Variants in PDS5A observed in about 807,000 individuals in gnomAD.
PDS5A encodes sister chromatid cohesion protein PDS5 homolog A.
In PDS5A, 42 loss-of-function variants were observed where a neutral mutation model predicts 167.1. The ratio of observed to expected loss-of-function variants is 0.25; its 90% CI spans 0.20 to 0.33. PDS5A has a LOEUF of 0.33. Ranked by LOEUF, PDS5A falls within the 10% of genes least tolerant of loss-of-function variation. The probability of loss-of-function intolerance (pLI) is 1.00; values close to 1 mark genes in which losing one functional copy is unlikely to be tolerated. For synonymous variants in PDS5A, 553 were observed against 554.6 expected, an observed-to-expected ratio of 1.00 and a Z score of 0.04; for missense variants, 1,033 against 1,605.9, an observed-to-expected ratio of 0.64 and a Z score of 6.10.
chr4:39,827,026 G>A (rs1715387386), intron 32 of PDS5A, among the ~76,000 whole-genome samples: 1 of 151,160 alleles, frequency 6.6e-6, no homozygotes, highest in Non-Finnish European at 1.5e-5. Flanking sequence ...TTTTGAGGCA[G>A]AGTCTTGCTC....
chr4:39,896,344 CTTTT>C (rs1185559250), intron 16 of PDS5A, among the ~76,000 whole-genome samples: 1 of 124,968 alleles, frequency 8.0e-6, no homozygotes, highest in African/African-American at 2.9e-5. Context: ...ATGTACTGAT[CTTTT>C]TTTTTTTTTT....
intron 8 of PDS5A, among the ~76,000 whole-genome samples, chr4:39,916,725 G>C (rs1314227436): frequency 6.6e-6 from 1 of 152,012 alleles, no homozygotes; most frequent in African/African-American, 2.4e-5. Context: ...AATTATATGG[G>C]CATGGTGGTT....
intron 8 of PDS5A, 107 bp downstream of exon 8, chr4:39,916,941 A>T (rs1446682507): frequency 3.7e-6 from 2 of 537,672 alleles, no homozygotes; most frequent in Non-Finnish European, 6.3e-6. Flanking sequence ...TGCGGTATAC[A>T]TTTTTCCTGG....
At chr4:39,825,939 T>C (rs1002992582) in intron 32 of PDS5A, among the ~76,000 whole-genome samples, 11 of 152,092 alleles carry the variant, frequency 7.2e-5, no homozygotes, top group Admixed American at 6.6e-4. Context: ...TTTTTTCATT[T>C]TTTCACCTGA....
At chr4:39,833,191 C>CAAAAAAAAAAAAAAAA (rs1166233113) in intron 32 of PDS5A, among the ~76,000 whole-genome samples, 3 of 37,924 alleles carry the variant, frequency 7.9e-5, no homozygotes, top group African/African-American at 2.6e-4. Flanking sequence ...AACTCCGTCT[C>CAAAAAAAAAAAAAAAA]AAAAAAAAAA....
chr4:39,973,192 G>T, intron 2 of PDS5A: 1 of 1,057,448 alleles, frequency 9.5e-7, no homozygotes, highest in African/African-American at 1.7e-5. Context: ...AGCTTGGTGG[G>T]CTTGTAATAT....
At chr4:39,945,458 CAAAA>C (rs1210256217) in intron 2 of PDS5A, among the ~76,000 whole-genome samples, 3 of 66,834 alleles carry the variant, frequency 4.5e-5, no homozygotes, top group South Asian at 5.2e-4. Flanking sequence ...GAGACTGCCT[CAAAA>C]AAAAAAAAAA....
At chr4:39,964,471 A>C (rs1360995149) in intron 2 of PDS5A, among the ~76,000 whole-genome samples, 2 of 152,222 alleles carry the variant, frequency 1.3e-5, no homozygotes, top group Non-Finnish European at 2.9e-5. Context: ...TCGGAGGCTG[A>C]GGTGGGAGGA....
At chr4:39,871,264 T>C (rs948728690) in intron 21 of PDS5A, among the ~76,000 whole-genome samples, 3 of 152,036 alleles carry the variant, frequency 2.0e-5, no homozygotes, top group Admixed American at 1.3e-4. Flanking sequence ...CACTTAAAAA[T>C]AGCAAATTTG....
chr4:39,825,584 C>CTT (rs200023345), intron 32 of PDS5A, 96 bp from the exon 33 acceptor site: 206 of 674,888 alleles, frequency 3.1e-4, no homozygotes, highest in South Asian at 4.1e-4. Flanking sequence ...TATCTAAAAT[C>CTT]TTTTTTTTTT....
chr4:39,892,098 CAA>C (rs1722024475), intron 16 of PDS5A, among the ~76,000 whole-genome samples: 1 of 151,466 alleles, frequency 6.6e-6, no homozygotes, highest in South Asian at 2.1e-4. Flanking sequence ...TGTCTCAAAA[CAA>C]AAAACAAAAA....
At chr4:39,970,973 T>A (rs916355933) in intron 2 of PDS5A, among the ~76,000 whole-genome samples, 1 of 151,278 alleles carries the variant, frequency 6.6e-6, no homozygotes, top group African/African-American at 2.4e-5. Flanking sequence ...GTTTTTGTCA[T>A]GTTGCCCAGG....
chr4:39,928,271 C>G, intron 2 of PDS5A, 107 bp from the exon 3 acceptor site: 1 of 646,916 alleles, frequency 1.5e-6, no homozygotes, highest in Non-Finnish European at 2.7e-6. Flanking sequence ...AATCGGTGGC[C>G]ACCAGACAGT....
At chr4:39,866,084 T>TC (rs1047407423) in intron 23 of PDS5A, among the ~76,000 whole-genome samples, 3 of 152,190 alleles carry the variant, frequency 2.0e-5, no homozygotes, top group Non-Finnish European at 2.9e-5. Flanking sequence ...GCTTCAACTC[T>TC]CCCTTGAGTT....
chr4:39,884,069 C>T (rs1721197152), intron 17 of PDS5A, among the ~76,000 whole-genome samples: 1 of 152,068 alleles, frequency 6.6e-6, no homozygotes, highest in Admixed American at 6.6e-5. Context: ...GCTGGGATTA[C>T]AGTTGCGTGC....
chr4:39,960,604 T>C (rs1051016366), intron 2 of PDS5A, among the ~76,000 whole-genome samples: 1 of 152,040 alleles, frequency 6.6e-6, no homozygotes, highest in Admixed American at 6.6e-5. Flanking sequence ...TAGAGTGCAA[T>C]GGTGCAATCC....
At chr4:39,848,011 T>C (rs960388868) in intron 28 of PDS5A, 2 of 152,204 alleles carry the variant, frequency 1.3e-5, no homozygotes, top group East Asian at 1.9e-4. Context: ...GAACTATGCC[T>C]GCGAGGGATC....
intron 2 of PDS5A, among the ~76,000 whole-genome samples, chr4:39,952,035 A>G (rs576384355): frequency 2.0e-5 from 3 of 152,272 alleles, no homozygotes; most frequent in South Asian, 2.1e-4. Flanking sequence ...GAATGTAGGA[A>G]TAACAACCAA....
intron 21 of PDS5A, among the ~76,000 whole-genome samples, chr4:39,869,865 G>T (rs923589813): frequency 3.9e-5 from 6 of 152,164 alleles, no homozygotes; most frequent in African/African-American, 9.7e-5. Context: ...CCAGCACTAT[G>T]GGGGGATGAG....
Sources: gnomAD v4.1 joint callset for allele counts (sites outside exome capture counted in the v4.1 genomes callset) on GRCh38, gnomAD v4.1.1 for gene constraint, MANE v1.5 for transcripts, NCBI Gene and HGNC (gene_info 2026-07-23, HGNC 2026-07-21) for gene names.